Variants in ARB2A observed in about 807,000 individuals in gnomAD.
The protein encoded by ARB2A is ARB2 cotranscriptional regulator A.
At chr5:93,995,248 A>T in the ARB2A span, among the ~76,000 whole-genome samples, 4 of 152,200 alleles carry the variant, frequency 2.6e-5, no homozygotes, top group African/African-American at 9.7e-5. Flanking sequence ...ATATGATGCT[A>T]ACCATCTCCA....
At chr5:93,986,758 G>A in the ARB2A span, among the ~76,000 whole-genome samples, 1 of 152,114 alleles carries the variant, frequency 6.6e-6, no homozygotes, top group South Asian at 2.1e-4. Context: ...GTCAACTCAG[G>A]GTTAAATGGA....
the ARB2A span, among the ~76,000 whole-genome samples, chr5:93,718,307 C>T: frequency 2.6e-3 from 394 of 151,890 alleles, 4 homozygotes; most frequent in African/African-American, 9.0e-3. Flanking sequence ...GGTGTGTTGG[C>T]GGGTGCCTGT....
the ARB2A span, among the ~76,000 whole-genome samples, chr5:93,840,875 T>G: frequency 6.6e-6 from 1 of 152,158 alleles, no homozygotes; most frequent in Non-Finnish European, 1.5e-5. Context: ...CTTTAAATCA[T>G]ATGTATTAAA....
chr5:93,821,891 T>A, the ARB2A span, among the ~76,000 whole-genome samples: 1 of 151,464 alleles, frequency 6.6e-6, no homozygotes, highest in Admixed American at 6.6e-5. Flanking sequence ...CAAATCAAAG[T>A]TATTTCACAA....
At chr5:94,063,888 A>G in the ARB2A span, among the ~76,000 whole-genome samples, 5 of 152,202 alleles carry the variant, frequency 3.3e-5, no homozygotes, top group African/African-American at 1.2e-4. Context: ...AAAAATTGGA[A>G]GAGTTGATTC....
the ARB2A span, among the ~76,000 whole-genome samples, chr5:93,749,762 T>A: frequency 1.3e-5 from 2 of 152,162 alleles, no homozygotes; most frequent in South Asian, 4.1e-4. Context: ...TTGTTTGTAA[T>A]ATCTAGAGTA....
At chr5:93,751,431 A>T in the ARB2A span, among the ~76,000 whole-genome samples, 11 of 152,338 alleles carry the variant, frequency 7.2e-5, no homozygotes, top group Non-Finnish European at 1.2e-4. Flanking sequence ...TATCAGTTAA[A>T]TTAATTTTTG....
At chr5:94,086,509 G>A in the ARB2A span, among the ~76,000 whole-genome samples, 13,929 of 151,388 alleles carry the variant, frequency 0.092, 795 homozygotes, top group Middle Eastern at 0.16. Flanking sequence ...CATATAGTAC[G>A]TAAATACTTG....
At chr5:93,710,450 T>G in the ARB2A span, among the ~76,000 whole-genome samples, 5 of 152,224 alleles carry the variant, frequency 3.3e-5, no homozygotes, top group Non-Finnish European at 2.9e-5. Context: ...AAATGATGAC[T>G]GAATCATGTA....
the ARB2A span, among the ~76,000 whole-genome samples, chr5:93,960,894 T>A: frequency 6.6e-6 from 1 of 152,140 alleles, no homozygotes; most frequent in Non-Finnish European, 1.5e-5. Context: ...GTAAACAAAG[T>A]ATAATGATGA....
chr5:94,043,056 C>G, the ARB2A span, among the ~76,000 whole-genome samples: 1 of 152,110 alleles, frequency 6.6e-6, no homozygotes, highest in Admixed American at 6.5e-5. Flanking sequence ...TTTTAATCCT[C>G]TTTAGAAGGT....
the ARB2A span, among the ~76,000 whole-genome samples, chr5:93,854,547 T>C: frequency 6.6e-6 from 1 of 152,212 alleles, no homozygotes; most frequent in Non-Finnish European, 1.5e-5. Context: ...ATTGTGATGT[T>C]AGGGTGTCAA....
At chr5:93,981,863 T>A in the ARB2A span, among the ~76,000 whole-genome samples, 1 of 152,140 alleles carries the variant, frequency 6.6e-6, no homozygotes, top group Non-Finnish European at 1.5e-5. Context: ...CTAGATAATC[T>A]GAGCATCTGT....
the ARB2A span, among the ~76,000 whole-genome samples, chr5:93,962,249 T>G: frequency 2.0e-5 from 3 of 152,192 alleles, no homozygotes; most frequent in Admixed American, 1.3e-4. Context: ...CAATTCATTG[T>G]GGAATACTCG....
the ARB2A span, among the ~76,000 whole-genome samples, chr5:93,853,850 T>C: frequency 6.6e-6 from 1 of 152,184 alleles, no homozygotes; most frequent in Non-Finnish European, 1.5e-5. Context: ...TGCTGCTGGA[T>C]TCAGTTTGCC....
At chr5:93,855,312 T>C in the ARB2A span, among the ~76,000 whole-genome samples, 8 of 152,148 alleles carry the variant, frequency 5.3e-5, no homozygotes, top group Non-Finnish European at 1.0e-4. Flanking sequence ...ATTGGCTTGG[T>C]AGATCTTCCT....
the ARB2A span, among the ~76,000 whole-genome samples, chr5:93,882,580 A>G: frequency 6.6e-6 from 1 of 151,192 alleles, no homozygotes; most frequent in African/African-American, 2.4e-5. Context: ...TTTGATATTT[A>G]TATTATGTCT....
At chr5:93,865,084 G>A in the ARB2A span, among the ~76,000 whole-genome samples, 1 of 152,042 alleles carries the variant, frequency 6.6e-6, no homozygotes, top group Admixed American at 6.6e-5. Flanking sequence ...TATCATCCTG[G>A]CTAATTTCTT....
the ARB2A span, among the ~76,000 whole-genome samples, chr5:93,771,538 A>G: frequency 6.6e-6 from 1 of 152,032 alleles, no homozygotes; most frequent in Admixed American, 6.6e-5. Context: ...ATGGGAGAAA[A>G]TTTTCGCAAC....
Sources: allele counts gnomAD v4.1 joint callset (sites outside exome capture counted in the v4.1 genomes callset), GRCh38; gene constraint gnomAD v4.1.1; transcripts MANE v1.5; gene names NCBI Gene and HGNC (gene_info 2026-07-23, HGNC 2026-07-21).